The following MN1 variants were observed in gnomAD, a reference collection of about 807,000 sequenced individuals.
MN1 encodes transcriptional activator MN1.
Under a neutral mutation model 86.9 loss-of-function variants are expected in MN1, and 19 were observed. The ratio of observed to expected loss-of-function variants is 0.22; its 90% confidence interval spans 0.15 to 0.32. MN1 has a LOEUF of 0.32. MN1 is among the 10% of genes least tolerant of loss of function. The pLI, the probability that MN1 is intolerant of heterozygous loss-of-function variation, is 1.00. For missense variants in MN1, 1,841 were observed against 1,862.0 expected (o/e 0.99, Z 0.21); for synonymous variants, 928 against 849.6 (o/e 1.09, Z -1.60).
chr22:27,795,674 T>A (rs374752130), intron 1 of MN1, among the ~76,000 whole-genome samples: 1 of 151,886 alleles, frequency 6.6e-6, no homozygotes, highest in Non-Finnish European at 1.5e-5. Context: ...ATTAGATATA[T>A]ATAGATACAT....
chr22:27,756,371 G>A (rs1004715484), intron 1 of MN1, among the ~76,000 whole-genome samples: 6 of 152,032 alleles, frequency 3.9e-5, no homozygotes, highest in South Asian at 2.1e-4. Context: ...GTGCTCAGGC[G>A]TCGTGAGCCG....
intron 1 of MN1, among the ~76,000 whole-genome samples, chr22:27,770,733 A>G (rs1932907232): frequency 6.9e-6 from 1 of 145,748 alleles, no homozygotes; most frequent in Non-Finnish European, 1.5e-5. Flanking sequence ...ATCACAGCTT[A>G]CTCTAGTCTC....
In MN1 at chr22:27,800,550, C is replaced by T. The variant is rs373829038; in HGVS notation, c.-7G>A. ...ATTGGTCCAGCCCAAACATACTTGG[C>T]GGGGGGCAGAGGGGGATCAATAGGG... On this transcript the variant is annotated 5_prime_UTR_variant, in exon 1 of 2. Transcript: ENST00000302326. 1.9e-4 allele frequency: 301 copies of T among 1,613,736 alleles called. No individual in the cohort carries two copies. The highest frequency in any genetic ancestry group is 2.4e-4 in the Non-Finnish European group (288 of 1,179,998).
chr22:27,765,211 G>A (rs1166501470), intron 1 of MN1, among the ~76,000 whole-genome samples: 1 of 152,208 alleles, frequency 6.6e-6, no homozygotes, highest in Non-Finnish European at 1.5e-5. Context: ...CGCATAAGAG[G>A]AGGTTGCAAG....
intron 1 of MN1, among the ~76,000 whole-genome samples, chr22:27,752,140 G>A (rs913632541): frequency 5.3e-5 from 8 of 152,182 alleles, no homozygotes; most frequent in African/African-American, 1.9e-4. Context: ...CCTAATGGCT[G>A]AGAGAATCCA....
intron 1 of MN1, among the ~76,000 whole-genome samples, chr22:27,786,440 C>T (rs1933134212): frequency 6.6e-6 from 1 of 152,074 alleles, no homozygotes; most frequent in East Asian, 1.9e-4. Flanking sequence ...AACACACACA[C>T]ACACACACAC....
chr22:27,773,748 C>A (rs1932941402), intron 1 of MN1, among the ~76,000 whole-genome samples: 1 of 152,166 alleles, frequency 6.6e-6, no homozygotes, highest in African/African-American at 2.4e-5. Context: ...CCTCTGCCTC[C>A]CGGGTTCAAG....
chr22:27,777,901 A>C lies in MN1; in HGVS notation c.3781+18862T>G, dbSNP rs554908522. On this transcript the variant is annotated intron_variant, in intron 1 of 1. Transcript: ENST00000302326. ...CCAAAAAAAAAAAAGAAAGAAAGAAAAGAAAAATTCTACAGGGTACATCAT... is the reference window on the plus strand; with the variant it reads ...CCAAAAAAAAAAAAGAAAGAAAGAACAGAAAAATTCTACAGGGTACATCAT... Among the ~76,000 whole-genome samples the C allele has an allele frequency of 9.9e-5, 15 of 152,094 alleles. No individual in the cohort carries two copies. In the East Asian group the frequency reaches 2.9e-3, roughly 29 times the overall value.
Position 27,799,383 on chromosome 22 carries a change from G to A in MN1, c.1161C>T (p.Gly387=). 3 of 1,526,246 alleles carry A rather than the reference G, an allele frequency of 2.0e-6. No homozygotes were observed. Among genetic ancestry groups the A allele is most frequent in the Admixed American group, 2.1e-5 (1 of 47,514 alleles). The allele number at this position is 1,526,246 out of a possible 1,614,324, so 94.5% of individuals were successfully genotyped here. ...CGTCCTGCAGGCCGCCGCTGGGCGT[G>A]CCCGCCTCGCCCTGCTGGGGCCGAG... ...ALPRPQQGEA[G]TPSGGLQDGG... Residue 387 remains glycine, a synonymous_variant, in exon 1 of 2, where the codon GGC becomes GGT. Transcript: ENST00000302326.
At chr22:27,767,435 C>T (rs1932878206) in intron 1 of MN1, among the ~76,000 whole-genome samples, 1 of 152,150 alleles carries the variant, frequency 6.6e-6, no homozygotes, top group Admixed American at 6.5e-5. Flanking sequence ...CAACAGACTT[C>T]CTTCAAAGTT....
intron 1 of MN1, among the ~76,000 whole-genome samples, chr22:27,772,081 G>A (rs1419555213): frequency 6.6e-6 from 1 of 152,220 alleles, no homozygotes; most frequent in East Asian, 1.9e-4. Flanking sequence ...GAAAGGGGCT[G>A]TTATGTGTGT....
At chr22:27,751,517 G>A (rs139897625) in intron 1 of MN1, among the ~76,000 whole-genome samples, 1 of 152,276 alleles carries the variant, frequency 6.6e-6, no homozygotes, top group Non-Finnish European at 1.5e-5. Context: ...GTGGAGGGGA[G>A]GATTGTCTGG....
chr22:27,786,430 AACACACACAC>A (rs3831690), intron 1 of MN1, among the ~76,000 whole-genome samples: 1 of 148,848 alleles, frequency 6.7e-6, no homozygotes, highest in African/African-American at 2.5e-5. Flanking sequence ...TTAAAAGTTA[AACACACACAC>A]ACACACACAC....
intron 1 of MN1, among the ~76,000 whole-genome samples, chr22:27,789,278 A>G (rs1262817215): frequency 6.6e-6 from 1 of 152,124 alleles, no homozygotes; most frequent in Non-Finnish European, 1.5e-5. Context: ...GGTCCCAAAT[A>G]CGCCTCCGCC....
At position 27,799,761 on chromosome 22, in the gene MN1, C is replaced by A; in HGVS notation, c.783G>T (p.Ala261=). 6.3e-7 allele frequency: 1 copy of A among 1,593,064 alleles called. No individual in the cohort carries two copies. The highest frequency in any genetic ancestry group is 1.1e-5 in the South Asian group (1 of 88,178). Reference sequence around the variant, plus strand: ...AAGCGCCCCCAGGAACCTGGCGACCCGCTGCATAATGAGGCAGCTGCCCTT... The same window carrying A: ...AAGCGCCCCCAGGAACCTGGCGACCAGCTGCATAATGAGGCAGCTGCCCTT... ...DSEGQLPHYA[A]GRQVPGGAFP... The change falls in exon 1 of 2, where the codon GCG becomes GCT. Residue 261 remains alanine, a synonymous_variant. Coordinates refer to ENST00000302326, the MANE Select transcript of MN1 (RefSeq NM_002430.3).
chr22:27,791,518 G>A (rs550283895), intron 1 of MN1, among the ~76,000 whole-genome samples: 5 of 152,048 alleles, frequency 3.3e-5, no homozygotes, highest in Admixed American at 1.3e-4. Flanking sequence ...AACAAGCAGC[G>A]GGTAGTGAGA....
chr22:27,784,122 C>T (rs1322504244), intron 1 of MN1, among the ~76,000 whole-genome samples: 3 of 152,134 alleles, frequency 2.0e-5, no homozygotes, highest in South Asian at 2.1e-4. Context: ...TCCCAGAAGT[C>T]GTATAAAGGG....
In MN1 at chr22:27,798,924, T is replaced by C. The variant is rs867966947; in HGVS notation, c.1620A>G (p.Gln540=). The C allele has an allele frequency of 1.8e-4, 276 of 1,519,894 alleles. No homozygotes were observed. In the African/African-American group the frequency reaches 2.2e-3, roughly 12 times the overall value. The allele number at this position is 1,519,894 out of a possible 1,614,324, so 94.2% of individuals were successfully genotyped here. Residue 540 remains glutamine (Q), a synonymous_variant, in exon 1 of 2, where the codon CAA becomes CAG. Transcript: ENST00000302326. ...QQQQQQQQQQ[Q]QQQQQQQQQQ... ...GCTGCTGCTGCTGTTGCTGTTGCTG[T>C]TGCTGCTGCTGCTGCTGCTGTTGCT...
Position 27,798,927 on chromosome 22 carries a change from C to CTGCTGCTGCTGCTGCTGT in MN1, c.1599_1616dup (p.Gln545_Gln550dup), listed in dbSNP as rs754724981. The CTGCTGCTGCTGCTGCTGT allele has an allele frequency of 2.6e-5, 40 of 1,522,118 alleles. No individual in the cohort carries two copies. In the African/African-American group the frequency reaches 5.5e-4, roughly 21 times the overall value. The allele number at this position is 1,522,118 out of a possible 1,614,324, so 94.3% of individuals were successfully genotyped here. A position where few individuals can be genotyped will look rare whatever the true frequency, so the allele number is the denominator to read the frequency against. On this transcript the variant is annotated inframe_insertion, in exon 1 of 2. Transcript: ENST00000302326. The stretch of plus-strand genomic sequence containing the variant: ...GCTGCTGCTGTTGCTGTTGCTGTTG[C>CTGCTGCTGCTGCTGCTGT]TGCTGCTGCTGCTGCTGTTGCTGCT...
Sources: gnomAD v4.1 joint callset for allele counts (sites outside exome capture counted in the v4.1 genomes callset) on GRCh38, gnomAD v4.1.1 for gene constraint, MANE v1.5 for transcripts, NCBI Gene and HGNC (gene_info 2026-07-23, HGNC 2026-07-21) for gene names.